The following RTN1 variants were observed in gnomAD, a reference collection of about 807,000 sequenced individuals.
RTN1 encodes reticulon-1.
RTN1 carries 25 observed loss-of-function variants against 65.5 expected under a neutral mutation model. The ratio of observed to expected loss-of-function variants is 0.38; its 90% CI spans 0.28 to 0.53. The LOEUF (loss-of-function observed/expected upper bound fraction) is 0.53, where lower values mean the gene tolerates loss of function less well. Among genes scored for constraint, RTN1 ranks in the 20% least tolerant of loss-of-function variants. RTN1 has a pLI of 0.79. For synonymous variants in RTN1, 471 were observed against 447.6 expected (o/e 1.05, Z -0.66); for missense variants, 983 against 1,025.4 (o/e 0.96, Z 0.57).
chr14:59,854,395 C>T (rs1887565978), intron 1 of RTN1, among the ~76,000 whole-genome samples: 1 of 151,880 alleles, frequency 6.6e-6, no homozygotes, highest in African/African-American at 2.4e-5. Flanking sequence ...GTAATCCCAG[C>T]ACTTTGGGAA....
At chr14:59,651,824 G>A (rs922272518) in intron 3 of RTN1, among the ~76,000 whole-genome samples, 7 of 151,950 alleles carry the variant, frequency 4.6e-5, no homozygotes, top group African/African-American at 1.4e-4. Context: ...AAGCAACCAC[G>A]ATAAATTGAC....
At chr14:59,787,654 C>A (rs1405351184) in intron 1 of RTN1, among the ~76,000 whole-genome samples, 1 of 152,116 alleles carries the variant, frequency 6.6e-6, no homozygotes, top group African/African-American at 2.4e-5. Flanking sequence ...ATGGTGGGGA[C>A]CTTGTGCCAA....
At chr14:59,773,199 A>T (rs1209966342) in intron 1 of RTN1, among the ~76,000 whole-genome samples, 1 of 152,190 alleles carries the variant, frequency 6.6e-6, no homozygotes, top group Admixed American at 6.5e-5. Context: ...AGTAAAATCT[A>T]AATCTATGAG....
At chr14:59,840,602 C>G (rs188091911) in intron 1 of RTN1, among the ~76,000 whole-genome samples, 1 of 152,198 alleles carries the variant, frequency 6.6e-6, no homozygotes, top group Non-Finnish European at 1.5e-5. Flanking sequence ...TACCCTATAT[C>G]TTATATCACT....
chr14:59,697,886 T>C (rs1884096292), intron 3 of RTN1, among the ~76,000 whole-genome samples: 1 of 152,024 alleles, frequency 6.6e-6, no homozygotes, highest in Non-Finnish European at 1.5e-5. Context: ...CTCACATACT[T>C]CTCAAAAAGA....
chr14:59,834,281 TC>T (rs1267682829), intron 1 of RTN1, among the ~76,000 whole-genome samples: 2 of 151,910 alleles, frequency 1.3e-5, no homozygotes, highest in Non-Finnish European at 2.9e-5. Context: ...AGGAAAAAAA[TC>T]TTTGTCACCT....
intron 1 of RTN1, among the ~76,000 whole-genome samples, chr14:59,811,152 C>A (rs1049842960): frequency 1.3e-5 from 2 of 152,122 alleles, no homozygotes; most frequent in Non-Finnish European, 1.5e-5. Flanking sequence ...CATTGGTGAA[C>A]TTTTAGTATA....
chr14:59,727,822 TC>T lies in RTN1; in HGVS notation c.1016-155del. ...CTCATTAGCACAAAAATAATCTGTTTCCAGGGCTATGCTGGAAAGACAGGCC... is the reference window on the plus strand; with the variant it reads ...CTCATTAGCACAAAAATAATCTGTTTCAGGGCTATGCTGGAAAGACAGGCC... On this transcript the variant is annotated intron_variant, in intron 2 of 8. Transcript: ENST00000267484. This position sits in a 1 kb window ranked among gnomAD's most constrained non-coding sequence, Gnocchi z 4.2. 1 of 1,126,380 alleles carries T rather than the reference TC, an allele frequency of 8.9e-7. No homozygotes were observed. Among genetic ancestry groups the T allele is most frequent in the Non-Finnish European group, 1.2e-6 (1 of 828,892 alleles). The allele number at this position is 1,126,380 out of a possible 1,614,324, so 69.8% of individuals were successfully genotyped here.
At chr14:59,749,209 T>C in intron 1 of RTN1, among the ~76,000 whole-genome samples, 1 of 101,700 alleles carries the variant, frequency 9.8e-6, no homozygotes, top group Non-Finnish European at 1.7e-5. Flanking sequence ...TATATATATA[T>C]CTATATATAT....
chr14:59,681,074 G>A (rs558158563), intron 3 of RTN1, among the ~76,000 whole-genome samples: 5 of 152,122 alleles, frequency 3.3e-5, no homozygotes, highest in African/African-American at 9.6e-5. Context: ...AATAGTATGT[G>A]TGTGTCTATC....
In RTN1 at chr14:59,746,090, ATGT is replaced by A. The variant is rs1228475940; in HGVS notation, c.630_632del (p.Gln210del). 1.2e-6 allele frequency: 2 copies of A among 1,613,672 alleles called. No individual in the cohort carries two copies. The highest frequency in any genetic ancestry group is 1.7e-6 in the Non-Finnish European group (2 of 1,179,960). ...AGTCTTTATCTTCCAGCTCGGGGTG[ATGT>A]TGTTCTTGGTGCTTCACCTCCTCGG... On this transcript the variant is annotated inframe_deletion, in exon 2 of 9. Transcript: ENST00000267484.
At chr14:59,656,959 C>T (rs887551154) in intron 3 of RTN1, among the ~76,000 whole-genome samples, 1 of 152,052 alleles carries the variant, frequency 6.6e-6, no homozygotes, top group African/African-American at 2.4e-5. Context: ...GGATGACTCA[C>T]AGGAAATTAG....
chr14:59,691,998 C>A (rs1354380466), intron 3 of RTN1, among the ~76,000 whole-genome samples: 26 of 152,108 alleles, frequency 1.7e-4, no homozygotes, highest in Admixed American at 1.7e-3. Flanking sequence ...CAGGCAAAAG[C>A]TGGAAGCATT....
chr14:59,813,974 A>G (rs550840055), intron 1 of RTN1, among the ~76,000 whole-genome samples: 1 of 152,352 alleles, frequency 6.6e-6, no homozygotes, highest in South Asian at 2.1e-4. Context: ...ATTCAACTGC[A>G]TGTTATCAGA....
intron 3 of RTN1, among the ~76,000 whole-genome samples, chr14:59,632,312 C>A (rs1314026940): frequency 6.6e-6 from 1 of 152,194 alleles, no homozygotes; most frequent in Non-Finnish European, 1.5e-5. Flanking sequence ...GTATTCCCTA[C>A]CTTTCCTCCC....
At chr14:59,751,646 A>C (rs567551784) in intron 1 of RTN1, among the ~76,000 whole-genome samples, 11 of 152,290 alleles carry the variant, frequency 7.2e-5, no homozygotes, top group Non-Finnish European at 1.6e-4. Context: ...TTTGGTTTCC[A>C]AGGCTGTATC....
In RTN1 at chr14:59,697,908, G is replaced by A. The variant is rs76557009; in HGVS notation, c.1765+29011C>T. Reference sequence around the variant, plus strand: ...ACTTCTCAAAAAGATGTACTGTTTAGGAGCAAAACATTTAGAAAAGCGGGT... The same window carrying A: ...ACTTCTCAAAAAGATGTACTGTTTAAGAGCAAAACATTTAGAAAAGCGGGT... On this transcript the variant is annotated intron_variant, in intron 3 of 8. Coordinates refer to ENST00000267484, the MANE Select transcript of RTN1 (RefSeq NM_021136.3). Among the ~76,000 whole-genome samples the A allele has an allele frequency of 5.7e-3, 869 of 152,198 alleles. 7 individuals are homozygous for A. Among genetic ancestry groups the A allele is most frequent in the African/African-American group, 0.018 (743 of 41,550 alleles).
At chr14:59,851,939 G>A (rs576603692) in intron 1 of RTN1, among the ~76,000 whole-genome samples, 20 of 151,804 alleles carry the variant, frequency 1.3e-4, no homozygotes, top group Middle Eastern at 3.4e-3. Context: ...AGAACTGCTC[G>A]GTTTTAAAAT....
At chr14:59,769,432 TA>T (rs1157764239) in intron 1 of RTN1, among the ~76,000 whole-genome samples, 2 of 152,192 alleles carry the variant, frequency 1.3e-5, no homozygotes, top group Admixed American at 1.3e-4. Flanking sequence ...AAATGACATA[TA>T]TTTTTCATGG....
Sources: gnomAD v4.1 joint callset for allele counts (sites outside exome capture counted in the v4.1 genomes callset) on GRCh38, gnomAD v4.1.1 for gene constraint, Gnocchi (gnomAD v3.1) non-coding constraint, MANE v1.5 for transcripts, NCBI Gene and HGNC (gene_info 2026-07-23, HGNC 2026-07-21) for gene names.